The following TRPM3 variants were observed in gnomAD, a reference collection of about 807,000 sequenced individuals.
TRPM3 encodes long transient receptor potential channel 3.
TRPM3 carries 77 observed loss-of-function variants against 181.2 expected under a neutral mutation model. The ratio of observed to expected loss-of-function variants is 0.42; its 90% CI spans 0.35 to 0.51. The LOEUF (loss-of-function observed/expected upper bound fraction) is 0.51, where lower values mean the gene tolerates loss of function less well. Ranked by LOEUF, TRPM3 falls within the 20% of genes least tolerant of loss-of-function variation. TRPM3 has a pLI of 0.01. For missense variants in TRPM3, 1,759 were observed against 2,196.7 expected, an observed-to-expected ratio of 0.80 and a Z score of 3.98; for synonymous variants, 745 against 796.4, an observed-to-expected ratio of 0.94 and a Z score of 1.09.
At chr9:71,277,611 A>C (rs1311569949) in intron 1 of TRPM3, among the ~76,000 whole-genome samples, 2 of 152,168 alleles carry the variant, frequency 1.3e-5, no homozygotes, top group Non-Finnish European at 2.9e-5. Flanking sequence ...AGTCCACAAA[A>C]GAGGCTCATT....
At chr9:71,055,186 C>T (rs1376710901) in intron 1 of TRPM3, among the ~76,000 whole-genome samples, 1 of 151,920 alleles carries the variant, frequency 6.6e-6, no homozygotes. Flanking sequence ...GGACAGGGTA[C>T]ATTTTAAGAA....
intron 1 of TRPM3, among the ~76,000 whole-genome samples, chr9:71,400,802 T>C (rs925345909): frequency 3.3e-5 from 5 of 151,604 alleles, no homozygotes; most frequent in African/African-American, 7.3e-5. Context: ...TTTTTTTTTT[T>C]CAGAATCCAG....
At chr9:71,301,708 G>A (rs1014631966) in intron 1 of TRPM3, among the ~76,000 whole-genome samples, 2 of 152,044 alleles carry the variant, frequency 1.3e-5, no homozygotes, top group Non-Finnish European at 2.9e-5. Context: ...AGGGTGCCAG[G>A]GAGAAACCTA....
At chr9:71,230,363 T>C (rs1042999024) in intron 1 of TRPM3, among the ~76,000 whole-genome samples, 27 of 151,478 alleles carry the variant, frequency 1.8e-4, no homozygotes, top group African/African-American at 5.8e-4. Flanking sequence ...GATTAATAGG[T>C]ACAAAAAAAT....
At chr9:71,004,665 CA>C (rs1237328148) in intron 1 of TRPM3, among the ~76,000 whole-genome samples, 12 of 152,046 alleles carry the variant, frequency 7.9e-5, no homozygotes, top group Non-Finnish European at 1.6e-4. Flanking sequence ...AAATATATGA[CA>C]AAATTCAGAA....
intron 22 of TRPM3, among the ~76,000 whole-genome samples, chr9:70,589,628 T>C (rs964709889): frequency 6.6e-6 from 1 of 152,162 alleles, no homozygotes; most frequent in African/African-American, 2.4e-5. Flanking sequence ...CAAGCTGTCT[T>C]GGTGAAGGCT....
At chr9:71,069,688 A>G (rs993037744) in intron 1 of TRPM3, among the ~76,000 whole-genome samples, 52 of 144,526 alleles carry the variant, frequency 3.6e-4, no homozygotes, top group Admixed American at 1.4e-3. Flanking sequence ...GGCTCACCAC[A>G]ACCTCTGCCT....
At chr9:71,219,703 A>G (rs2080112900) in intron 1 of TRPM3, among the ~76,000 whole-genome samples, 1 of 152,214 alleles carries the variant, frequency 6.6e-6, no homozygotes, top group Non-Finnish European at 1.5e-5. Flanking sequence ...GGTATGAACA[A>G]CATTAATCTG....
chr9:70,742,046 T>C (rs573204228), intron 8 of TRPM3, among the ~76,000 whole-genome samples: 56 of 152,220 alleles, frequency 3.7e-4, no homozygotes, highest in South Asian at 2.1e-3. Context: ...TTTTTTAAAG[T>C]TTTTTAATTT....
Position 70,544,034 on chromosome 9 carries a change from G to A in TRPM3, c.3707+5508C>T, listed in dbSNP as rs79279181. 3.3e-3 allele frequency among the ~76,000 whole-genome samples: 507 copies of A among 152,250 alleles called. 4 individuals are homozygous for A. Among genetic ancestry groups the A allele is most frequent in the Middle Eastern group, 0.014 (4 of 294 alleles). On this transcript the variant is annotated intron_variant, in intron 25 of 25. Transcript: ENST00000677713. ...CAAGTCCAGCAAAACAGCCCTGTGT[G>A]GGCAGATGCTGCCCACAAGCCACCG... is the stretch of plus-strand genomic sequence containing the variant.
At chr9:71,212,064 C>G (rs1184171240) in intron 1 of TRPM3, among the ~76,000 whole-genome samples, 1 of 152,206 alleles carries the variant, frequency 6.6e-6, no homozygotes, top group Non-Finnish European at 1.5e-5. Context: ...AGCTCATCCT[C>G]TGCCTCCATG....
chr9:70,690,433 G>C (rs1039403280), intron 8 of TRPM3, among the ~76,000 whole-genome samples: 2 of 152,072 alleles, frequency 1.3e-5, no homozygotes, highest in African/African-American at 4.8e-5. Context: ...TTCCTACTCA[G>C]TTTTTTCATA....
intron 5 of TRPM3, among the ~76,000 whole-genome samples, chr9:70,837,068 C>T (rs535781736): frequency 2.0e-5 from 3 of 152,098 alleles, no homozygotes; most frequent in African/African-American, 2.4e-5. Flanking sequence ...CAGATTTGGG[C>T]GGGTGTCCTT....
intron 1 of TRPM3, among the ~76,000 whole-genome samples, chr9:71,162,008 C>T (rs938698000): frequency 6.6e-6 from 1 of 151,704 alleles, no homozygotes; most frequent in Non-Finnish European, 1.5e-5. Flanking sequence ...TCGAGACCAG[C>T]CTGGCCAACA....
intron 1 of TRPM3, among the ~76,000 whole-genome samples, chr9:71,424,878 T>C (rs1365382917): frequency 6.6e-6 from 1 of 152,174 alleles, no homozygotes; most frequent in Non-Finnish European, 1.5e-5. Context: ...TGACCTCACT[T>C]GTCATTCATT....
At chr9:71,273,370 A>C (rs1004421471) in intron 1 of TRPM3, among the ~76,000 whole-genome samples, 3 of 152,218 alleles carry the variant, frequency 2.0e-5, no homozygotes, top group African/African-American at 7.2e-5. Context: ...ACAATGTTAG[A>C]TCAAAGAAAA....
intron 21 of TRPM3, among the ~76,000 whole-genome samples, chr9:70,592,173 C>T (rs115729215): frequency 6.6e-6 from 1 of 152,110 alleles, no homozygotes; most frequent in Non-Finnish European, 1.5e-5. Flanking sequence ...CCATTACCTC[C>T]TCCTTTTATA....
chr9:71,380,020 G>C (rs1442465522), intron 1 of TRPM3, among the ~76,000 whole-genome samples: 1 of 152,012 alleles, frequency 6.6e-6, no homozygotes, highest in Non-Finnish European at 1.5e-5. Context: ...GATGGAGCAG[G>C]GGGAGGCAAG....
chr9:71,194,236 G>A (rs1412658975), intron 1 of TRPM3, among the ~76,000 whole-genome samples: 1 of 151,874 alleles, frequency 6.6e-6, no homozygotes. Flanking sequence ...GTTTCTCTTG[G>A]GAAGAGGTAA....
Sources: gnomAD v4.1 joint callset for allele counts (sites outside exome capture counted in the v4.1 genomes callset) on GRCh38, gnomAD v4.1.1 for gene constraint, MANE v1.5 for transcripts, NCBI Gene and HGNC (gene_info 2026-07-23, HGNC 2026-07-21) for gene names.